The following FHIP1A variants were observed in gnomAD, a reference collection of about 807,000 sequenced individuals.
FHIP1A encodes FHF complex subunit HOOK-interacting protein 1A.
FHIP1A carries 61 observed loss-of-function variants against 88.6 expected under a neutral mutation model. The observed-to-expected ratio is 0.69, with a 90% CI of 0.56 to 0.85. FHIP1A has a LOEUF of 0.85. Ranked by LOEUF, FHIP1A falls within the 40% of genes least tolerant of loss-of-function variation. FHIP1A has a pLI of 0.00. For missense variants in FHIP1A, 1,154 were observed against 1,273.5 expected (o/e 0.91, Z 1.43); for synonymous variants, 478 against 496.0 (o/e 0.96, Z 0.48).
At position 151,431,249 on chromosome 4, in the gene FHIP1A, G is replaced by A. The variant is rs116543837; in HGVS notation, c.-356+21784G>A. Among the ~76,000 whole-genome samples, 869 of 152,086 alleles carry A rather than the reference G, an allele frequency of 5.7e-3. 4 individuals are homozygous for A. Among genetic ancestry groups the A allele is most frequent in the Admixed American group, 9.0e-3 (138 of 15,282 alleles). ...AGTCAATCCTGACTGTGGTTGAGTC[G>A]CAAGCTCTAACCTGAATCAGTGAGT... On this transcript the variant is annotated intron_variant, in intron 1 of 13. Coordinates refer to ENST00000435205, the MANE Select transcript of FHIP1A (RefSeq NM_001109977.3).
Position 151,656,349 on chromosome 4 carries a change from T to C in FHIP1A, c.2669T>C (p.Leu890Pro). The change falls in exon 12 of 14, where the codon CTG becomes CCG. Residue 890 changes from leucine to proline, a missense_variant. Coordinates refer to ENST00000435205, the MANE Select transcript of FHIP1A (RefSeq NM_001109977.3). This position sits in a 1 kb window ranked among gnomAD's most constrained non-coding sequence, Gnocchi z 4.2. The part of the protein sequence containing the change: ...TQLASYPQPL[L>P]RSFLLNTNMV... ...CTAGCCAGCTACCCCCAGCCACTCC[T>C]GCGCTCCTTTCTGCTCAACACCAAC... is the stretch of plus-strand genomic sequence containing the variant. The C allele has an allele frequency of 6.4e-7, 1 of 1,551,732 alleles. No homozygotes were observed. The highest frequency in any genetic ancestry group is 8.7e-7 in the Non-Finnish European group (1 of 1,146,998).
chr4:151,541,667 C>T (rs1056385659), intron 3 of FHIP1A, among the ~76,000 whole-genome samples: 28 of 152,168 alleles, frequency 1.8e-4, no homozygotes, highest in African/African-American at 6.8e-4. Flanking sequence ...TTAGATCAAT[C>T]ACATATTTTT....
rs753388504 is a variant in FHIP1A at position 151,656,605 on chromosome 4, G to A, written c.2731-155G>A. ...GCTTCATTTAGTTTGATGTTTTGAC[G>A]GTGCCCTACGCAGAACACCCAGGCA... On this transcript the variant is annotated intron_variant, in intron 12 of 13. Transcript: ENST00000435205. This position sits in a 1 kb window ranked among gnomAD's most constrained non-coding sequence, Gnocchi z 4.2. 7.9e-5 allele frequency among the ~76,000 whole-genome samples: 12 copies of A among 152,034 alleles called. No homozygotes were observed. Among genetic ancestry groups the A allele is most frequent in the Non-Finnish European group, 1.2e-4 (8 of 68,014 alleles).
intron 3 of FHIP1A, among the ~76,000 whole-genome samples, chr4:151,487,618 C>G: frequency 6.6e-6 from 1 of 152,216 alleles, no homozygotes; most frequent in East Asian, 1.9e-4. Flanking sequence ...TGGTAAATGG[C>G]ATCACCATCA....
At chr4:151,447,262 C>T (rs1728642106) in intron 1 of FHIP1A, among the ~76,000 whole-genome samples, 1 of 152,144 alleles carries the variant, frequency 6.6e-6, no homozygotes, top group Non-Finnish European at 1.5e-5. Context: ...GAGAGGTCTT[C>T]CAAATGTTAA....
intron 1 of FHIP1A, among the ~76,000 whole-genome samples, chr4:151,426,027 A>C (rs1274321493): frequency 6.6e-6 from 1 of 152,164 alleles, no homozygotes; most frequent in East Asian, 1.9e-4. Context: ...GGGGATTAGG[A>C]AGTGAATATC....
intron 8 of FHIP1A, among the ~76,000 whole-genome samples, chr4:151,630,175 G>T (rs757901205): frequency 1.3e-5 from 2 of 152,070 alleles, no homozygotes; most frequent in Admixed American, 6.6e-5. Flanking sequence ...ACTTCTGTGG[G>T]GGCAAGATGC....
At chr4:151,453,350 A>C (rs11938851) in intron 1 of FHIP1A, among the ~76,000 whole-genome samples, 3,867 of 152,230 alleles carry the variant, frequency 0.025, 175 homozygotes, top group African/African-American at 0.088. Context: ...ATTATGATAT[A>C]AGCATTTTTC....
At chr4:151,643,910 C>T (rs1256743257) in intron 9 of FHIP1A, among the ~76,000 whole-genome samples, 1 of 152,258 alleles carries the variant, frequency 6.6e-6, no homozygotes, top group East Asian at 1.9e-4. Context: ...CCCAATAAGT[C>T]TTTATTCTAA....
At chr4:151,516,787 A>G (rs558672653) in intron 3 of FHIP1A, among the ~76,000 whole-genome samples, 1 of 151,712 alleles carries the variant, frequency 6.6e-6, no homozygotes, top group South Asian at 2.1e-4. Flanking sequence ...GCAATCATTC[A>G]AAAGTCAGGA....
chr4:151,485,433 T>A (rs1258539856), intron 3 of FHIP1A, among the ~76,000 whole-genome samples: 2 of 152,072 alleles, frequency 1.3e-5, no homozygotes, highest in Non-Finnish European at 2.9e-5. Context: ...AGTGCCACAC[T>A]GAACTGATGT....
intron 3 of FHIP1A, among the ~76,000 whole-genome samples, chr4:151,549,414 C>G (rs1295510056): frequency 1.3e-5 from 2 of 150,876 alleles, no homozygotes; most frequent in Non-Finnish European, 2.9e-5. Context: ...TTGCTTGAAC[C>G]TGGGAGGTGG....
chr4:151,574,494 C>A (rs898259106), intron 4 of FHIP1A, among the ~76,000 whole-genome samples: 1 of 151,976 alleles, frequency 6.6e-6, no homozygotes, highest in Non-Finnish European at 1.5e-5. Flanking sequence ...CTGTATCTTT[C>A]ATATTTGCAT....
intron 7 of FHIP1A, among the ~76,000 whole-genome samples, chr4:151,604,570 C>A (rs189784385): frequency 6.6e-6 from 1 of 151,990 alleles, no homozygotes; most frequent in Non-Finnish European, 1.5e-5. Flanking sequence ...ATTTTTGGGC[C>A]GGGCATGGTG....
At position 151,430,865 on chromosome 4, in the gene FHIP1A, C is replaced by T. The variant is rs141948216; in HGVS notation, c.-356+21400C>T. On this transcript the variant is annotated intron_variant, in intron 1 of 13. Transcript: ENST00000435205. ...TTTTGGTAGGAAGCCTTAGTTTACA[C>T]GGGCAGTAACAAAAGTTCTATTGAC... Among the ~76,000 whole-genome samples the T allele has an allele frequency of 1.8e-3, 268 of 152,278 alleles. 1 individual carries two copies. Among genetic ancestry groups the T allele is most frequent in the Non-Finnish European group, 3.4e-3 (228 of 68,008 alleles).
chr4:151,657,289 T>C (rs1737280678), intron 13 of FHIP1A, among the ~76,000 whole-genome samples: 1 of 152,224 alleles, frequency 6.6e-6, no homozygotes, highest in Non-Finnish European at 1.5e-5. Flanking sequence ...ATGTGTTCTC[T>C]TTATTATGTT....
chr4:151,642,068 T>C (rs1736608667), intron 9 of FHIP1A, among the ~76,000 whole-genome samples: 1 of 152,194 alleles, frequency 6.6e-6, no homozygotes, highest in African/African-American at 2.4e-5. Context: ...TGGTGAAATA[T>C]CAGAAAAGTA....
intron 3 of FHIP1A, among the ~76,000 whole-genome samples, chr4:151,490,741 TA>T (rs34863645): frequency 0.53 from 77,922 of 147,570 alleles, 20,433 homozygotes; most frequent in African/African-American, 0.56. Flanking sequence ...TTAAAGAAAT[TA>T]AAAAAAAAAA....
At chr4:151,592,161 G>A (rs1467168209) in intron 7 of FHIP1A, among the ~76,000 whole-genome samples, 1 of 151,608 alleles carries the variant, frequency 6.6e-6, no homozygotes, top group African/African-American at 2.4e-5. Context: ...TTGAGACGGA[G>A]TCTCACTCTG....
Sources: gnomAD v4.1 joint callset for allele counts (sites outside exome capture counted in the v4.1 genomes callset) on GRCh38, gnomAD v4.1.1 for gene constraint, Gnocchi (gnomAD v3.1) non-coding constraint, MANE v1.5 for transcripts, NCBI Gene and HGNC (gene_info 2026-07-23, HGNC 2026-07-21) for gene names.